The following CLIP1 variants were observed in gnomAD, a reference collection of about 807,000 sequenced individuals.
CLIP1 encodes CAP-Gly domain-containing linker protein 1.
CLIP1 carries 66 observed loss-of-function variants against 161.6 expected under a neutral mutation model. The observed-to-expected ratio is 0.41, with a 90% CI of 0.33 to 0.50. CLIP1 has a LOEUF of 0.50. Ranked by LOEUF, CLIP1 falls within the 20% of genes least tolerant of loss-of-function variation. CLIP1 has a pLI of 0.27. For synonymous variants in CLIP1, 598 were observed against 626.2 expected (o/e 0.96, Z 0.67); for missense variants, 1,376 against 1,702.0 (o/e 0.81, Z 3.37).
intron 15 of CLIP1, 31 bp downstream of exon 15, chr12:122,332,956 G>C: frequency 6.3e-7 from 1 of 1,593,640 alleles, no homozygotes; most frequent in Non-Finnish European, 8.6e-7. Context: ...CCTAACCTAA[G>C]GTCAGCACTC....
chr12:122,349,291 T>A (rs573939588), intron 9 of CLIP1, among the ~76,000 whole-genome samples: 5 of 152,334 alleles, frequency 3.3e-5, no homozygotes, highest in Admixed American at 6.5e-5. Flanking sequence ...TATTTCCAGA[T>A]AAAAAGCAAA....
chr12:122,390,259 TAC>T (rs1174521187), intron 1 of CLIP1, among the ~76,000 whole-genome samples: 2 of 96,630 alleles, frequency 2.1e-5, no homozygotes, highest in Non-Finnish European at 4.3e-5. Flanking sequence ...TACACATATA[TAC>T]ACACACATAT....
At chr12:122,326,072 T>C (rs947019187) in intron 17 of CLIP1, among the ~76,000 whole-genome samples, 1 of 152,364 alleles carries the variant, frequency 6.6e-6, no homozygotes, top group Non-Finnish European at 1.5e-5. Flanking sequence ...AGGAACCTTG[T>C]TGAGTGCACA....
At position 122,336,676 on chromosome 12, in the gene CLIP1, C is replaced by T; in HGVS notation, c.2524G>A (p.Val842Ile). 8 of 1,612,164 alleles carry T rather than the reference C, an allele frequency of 5.0e-6. No homozygotes were observed. The highest frequency in any genetic ancestry group is 5.9e-6 in the Non-Finnish European group (7 of 1,178,964). ...LTNLQENLSE[V>I]SQVKETLEKE... ...TCCAAAGTCTCTTTCACTTGACTGA[C>T]TTCACTCAAATTTTCCTGAAGGTTA... Residue 842 changes from valine to isoleucine, a missense_variant, in exon 12 of 26, where the codon GTC becomes ATC. Val to Ile is a conservative substitution (Grantham distance 29). Around this residue, in one of 6 missense-constraint regions of CLIP1, gnomAD observed 948 missense variants for 1,134.8 expected, o/e 0.84. Transcript: ENST00000620786.
intron 9 of CLIP1, among the ~76,000 whole-genome samples, chr12:122,348,466 G>C (rs570204303): frequency 5.6e-4 from 86 of 152,304 alleles, no homozygotes; most frequent in African/African-American, 2.0e-3. Context: ...CTCTCAAAAA[G>C]AGCTGGTGGG....
chr12:122,362,534 G>A (rs1478707309), intron 4 of CLIP1, among the ~76,000 whole-genome samples: 3 of 148,464 alleles, frequency 2.0e-5, no homozygotes, highest in South Asian at 2.1e-4. Flanking sequence ...CCAGCTACTC[G>A]GGAGGCTGAA....
intron 1 of CLIP1, among the ~76,000 whole-genome samples, chr12:122,392,281 CA>C (rs1274653985): frequency 1.3e-5 from 2 of 152,120 alleles, no homozygotes; most frequent in African/African-American, 4.8e-5. Context: ...AAAAACAAAA[CA>C]AAAGAAAGAA....
chr12:122,329,666 A>T (rs1309278589), intron 15 of CLIP1, among the ~76,000 whole-genome samples: 2 of 151,350 alleles, frequency 1.3e-5, no homozygotes, highest in Non-Finnish European at 2.9e-5. Context: ...AAATAAATAA[A>T]TAAATAAATA....
Position 122,328,123 on chromosome 12 carries a change from G to T in CLIP1, c.3073C>A (p.Leu1025Met). The change falls in exon 17 of 26, where the codon CTG becomes ATG. Residue 1025 changes from leucine (L) to methionine (M), a missense_variant. By Grantham distance (15) the Leu-to-Met change is conservative (BLOSUM62 2). This residue lies in a region of CLIP1 where 948 missense variants were observed against 1,134.8 expected (regional missense o/e 0.84). Transcript: ENST00000620786. The stretch of plus-strand genomic sequence containing the variant: ...GTGGCTCTCTCATACCTGGCTTTCA[G>T]CTCCTGACACTGGTTGTGGCTTGTT... ...METSHNQCQE[L>M]KARYERATSE... is the part of the protein sequence containing the mutation. 1.9e-6 allele frequency: 3 copies of T among 1,614,126 alleles called. No homozygotes were observed. Among genetic ancestry groups the T allele is most frequent in the Non-Finnish European group, 2.5e-6 (3 of 1,180,024 alleles).
intron 9 of CLIP1, among the ~76,000 whole-genome samples, chr12:122,347,785 G>C (rs1468297422): frequency 3.9e-5 from 6 of 152,132 alleles, no homozygotes; most frequent in African/African-American, 1.4e-4. Flanking sequence ...ATTGATAAGT[G>C]AAGTTTATCA....
At chr12:122,387,590 A>ATTT (rs139790813) in intron 1 of CLIP1, among the ~76,000 whole-genome samples, 46 of 6,250 alleles carry the variant, frequency 7.4e-3, no homozygotes, top group African/African-American at 0.011. Context: ...ATATATATAT[A>ATTT]TTTTTTTTTT....
At chr12:122,397,160 G>A (rs1955944328) in intron 1 of CLIP1, among the ~76,000 whole-genome samples, 1 of 151,872 alleles carries the variant, frequency 6.6e-6, no homozygotes, top group Admixed American at 6.6e-5. Flanking sequence ...TCTAGCCAGT[G>A]GAATAAGTGT....
intron 1 of CLIP1, among the ~76,000 whole-genome samples, chr12:122,412,955 C>CA: frequency 6.6e-6 from 1 of 152,104 alleles, no homozygotes; most frequent in East Asian, 1.9e-4. Context: ...AAGCAAGCTA[C>CA]GTATCCCTTT....
intron 20 of CLIP1, among the ~76,000 whole-genome samples, chr12:122,297,832 C>G (rs752701625): frequency 2.6e-5 from 4 of 152,206 alleles, no homozygotes; most frequent in Non-Finnish European, 4.4e-5. Context: ...CTAGGCGAGC[C>G]GTGTTGCCCA....
chr12:122,319,182 C>T, intron 18 of CLIP1, 50 bp downstream of exon 18: 1 of 1,265,082 alleles, frequency 7.9e-7, no homozygotes, highest in Non-Finnish European at 1.2e-6. Flanking sequence ...AAACATTCTA[C>T]CAAGTTGGTA....
At position 122,328,380 on chromosome 12, in the gene CLIP1, C is replaced by T; in HGVS notation, c.2914G>A (p.Ala972Thr). 6.2e-7 allele frequency: 1 copy of T among 1,612,790 alleles called. No homozygotes were observed. The highest frequency in any genetic ancestry group is 8.5e-7 in the Non-Finnish European group (1 of 1,179,628). Residue 972 changes from alanine (A) to threonine (T), a missense_variant, in exon 16 of 26, where the codon GCA (alanine) becomes ACA (threonine). This residue lies in a region of CLIP1 where 948 missense variants were observed against 1,134.8 expected (regional missense o/e 0.84). Transcript: ENST00000620786. ...TCAATACTTTTTTGCAGAAAACTTG[C>T]ATTTTCATTAGCCTTTGTAAGTTTT... ...QLKLTKANEN[A>T]SFLQKSIEDM... is the part of the protein sequence containing the mutation.
chr12:122,390,188 T>TATATAATATATATATACACAC, intron 1 of CLIP1, among the ~76,000 whole-genome samples: 1 of 136,122 alleles, frequency 7.3e-6, no homozygotes, highest in South Asian at 2.3e-4. Flanking sequence ...TATATATATA[T>TATATAATATATATATACACAC]ATATATATAA....
intron 4 of CLIP1, among the ~76,000 whole-genome samples, chr12:122,362,548 G>A (rs1953903258): frequency 7.1e-6 from 1 of 140,766 alleles, no homozygotes; most frequent in African/African-American, 2.6e-5. Flanking sequence ...GGCTGAAGCA[G>A]GAGAATCGCT....
At chr12:122,412,035 C>T (rs1956552375) in intron 1 of CLIP1, among the ~76,000 whole-genome samples, 1 of 144,448 alleles carries the variant, frequency 6.9e-6, no homozygotes, top group Admixed American at 6.9e-5. Flanking sequence ...AGTTTTCCTA[C>T]TTACTATCTA....
Sources: allele counts gnomAD v4.1 joint callset (sites outside exome capture counted in the v4.1 genomes callset), GRCh38; gene constraint gnomAD v4.1.1; regional missense constraint gnomAD v4.1.1; transcripts MANE v1.5; gene names NCBI Gene and HGNC (gene_info 2026-07-23, HGNC 2026-07-21).